The following TGFBR3 variants were observed in gnomAD, a reference collection of about 807,000 sequenced individuals.
TGFBR3 encodes transforming growth factor beta receptor 3, also known as transforming growth factor beta receptor type 3.
In TGFBR3, 46 loss-of-function variants were observed where a neutral mutation model predicts 87.9. The ratio of observed to expected loss-of-function variants is 0.52; its 90% CI spans 0.41 to 0.67. The LOEUF (loss-of-function observed/expected upper bound fraction) is 0.67. TGFBR3 is among the 30% of genes least tolerant of loss of function. The pLI, the probability that TGFBR3 is intolerant of heterozygous loss-of-function variation, is 0.00. For missense variants in TGFBR3, 866 were observed against 1,041.9 expected (o/e 0.83, Z 2.32); for synonymous variants, 381 against 391.6 (o/e 0.97, Z 0.32).
intron 2 of TGFBR3, among the ~76,000 whole-genome samples, chr1:91,802,652 T>C (rs942553737): frequency 2.0e-5 from 3 of 152,086 alleles, no homozygotes; most frequent in Non-Finnish European, 2.9e-5. Flanking sequence ...TGAGCCACCA[T>C]GCCTGGCCCA....
intron 4 of TGFBR3, among the ~76,000 whole-genome samples, chr1:91,747,965 G>A (rs1487259128): frequency 1.3e-5 from 2 of 152,156 alleles, no homozygotes; most frequent in South Asian, 2.1e-4. Context: ...ATATATCCCC[G>A]ACTGGTTCTG....
chr1:91,771,873 G>C (rs1177507527), intron 3 of TGFBR3, among the ~76,000 whole-genome samples: 2 of 152,072 alleles, frequency 1.3e-5, no homozygotes, highest in African/African-American at 4.8e-5. Flanking sequence ...CTCACAGTTT[G>C]ATGGGGGCAG....
At chr1:91,777,743 C>T (rs573993721) in intron 3 of TGFBR3, among the ~76,000 whole-genome samples, 8 of 152,164 alleles carry the variant, frequency 5.3e-5, no homozygotes, top group Non-Finnish European at 1.2e-4. Context: ...GATGTTTCTA[C>T]GTCTCCGTAC....
intron 4 of TGFBR3, among the ~76,000 whole-genome samples, chr1:91,754,098 T>TG (rs916356547): frequency 2.0e-5 from 3 of 152,204 alleles, no homozygotes; most frequent in African/African-American, 7.2e-5. Context: ...ATGTCCCTAA[T>TG]GACTCATGAT....
chr1:91,713,774 A>G (rs1672069258), intron 12 of TGFBR3, among the ~76,000 whole-genome samples: 1 of 152,188 alleles, frequency 6.6e-6, no homozygotes. Flanking sequence ...TATTTTTGCA[A>G]TACTTCTGAA....
intron 2 of TGFBR3, among the ~76,000 whole-genome samples, chr1:91,799,394 C>A (rs1489763781): frequency 6.6e-6 from 1 of 152,202 alleles, no homozygotes; most frequent in African/African-American, 2.4e-5. Flanking sequence ...TTCCCTGGAG[C>A]CCCTGGCGGG....
At chr1:91,859,708 G>A (rs1170205044) in intron 2 of TGFBR3, among the ~76,000 whole-genome samples, 1 of 151,892 alleles carries the variant, frequency 6.6e-6, no homozygotes, top group Non-Finnish European at 1.5e-5. Flanking sequence ...AGGAGATCGA[G>A]ACCAGCCTGG....
intron 5 of TGFBR3, among the ~76,000 whole-genome samples, chr1:91,731,300 G>A (rs1343149762): frequency 1.3e-5 from 2 of 152,076 alleles, no homozygotes; most frequent in African/African-American, 4.8e-5. Context: ...CTTGTGCTGA[G>A]GTCCGCAGCA....
At chr1:91,777,281 T>TCACAA (rs1258667509) in intron 3 of TGFBR3, among the ~76,000 whole-genome samples, 1 of 152,178 alleles carries the variant, frequency 6.6e-6, no homozygotes, top group African/African-American at 2.4e-5. Flanking sequence ...TTCACCTGGC[T>TCACAA]TTGAAGACCT....
At chr1:91,851,987 C>G (rs929260831) in intron 2 of TGFBR3, among the ~76,000 whole-genome samples, 4 of 152,198 alleles carry the variant, frequency 2.6e-5, no homozygotes, top group African/African-American at 7.2e-5. Flanking sequence ...CAGTGGCTCA[C>G]GCCTGTAATC....
chr1:91,739,445 C>T (rs1673075892), intron 4 of TGFBR3, among the ~76,000 whole-genome samples: 1 of 152,064 alleles, frequency 6.6e-6, no homozygotes, highest in African/African-American at 2.4e-5. Context: ...CTGAAGAGAC[C>T]ATGTAAAAAT....
intron 1 of TGFBR3, among the ~76,000 whole-genome samples, chr1:91,884,745 G>C (rs148560735): frequency 2.0e-5 from 3 of 152,202 alleles, no homozygotes; most frequent in South Asian, 4.1e-4. Flanking sequence ...CTTAGAAAAC[G>C]TTAGCTGTTA....
At chr1:91,735,592 A>G (rs1349549438) in intron 4 of TGFBR3, among the ~76,000 whole-genome samples, 2 of 152,226 alleles carry the variant, frequency 1.3e-5, no homozygotes, top group African/African-American at 4.8e-5. Context: ...CCAAATTCCC[A>G]TAGATAATGA....
At chr1:91,688,187 A>C (rs1405827990) in intron 16 of TGFBR3, among the ~76,000 whole-genome samples, 1 of 152,144 alleles carries the variant, frequency 6.6e-6, no homozygotes, top group East Asian at 1.9e-4. Flanking sequence ...AGTTTTTCAC[A>C]ATGTCCTGCC....
chr1:91,684,866 A>G (rs1320059777), intron 16 of TGFBR3, among the ~76,000 whole-genome samples: 3 of 152,160 alleles, frequency 2.0e-5, no homozygotes, highest in East Asian at 1.9e-4. Flanking sequence ...CCCTCCTTCA[A>G]TGTGGGAAAC....
At chr1:91,781,455 C>A (rs904842504) in intron 3 of TGFBR3, among the ~76,000 whole-genome samples, 2 of 152,190 alleles carry the variant, frequency 1.3e-5, no homozygotes, top group Admixed American at 6.5e-5. Context: ...CTTCCAGAGG[C>A]CTCTCCAGCA....
chr1:91,849,729 T>C (rs1290795858), intron 2 of TGFBR3, among the ~76,000 whole-genome samples: 1 of 152,144 alleles, frequency 6.6e-6, no homozygotes, highest in Non-Finnish European at 1.5e-5. Flanking sequence ...ATACAATAGG[T>C]ACTCAGTAAA....
chr1:91,729,285 T>TACAC (rs72204982), intron 6 of TGFBR3, among the ~76,000 whole-genome samples: 3,590 of 143,166 alleles, frequency 0.025, 111 homozygotes, highest in East Asian at 0.13. Flanking sequence ...TGCATGCGCA[T>TACAC]ACACACACAC....
At chr1:91,742,061 T>C (rs1279117527) in intron 4 of TGFBR3, among the ~76,000 whole-genome samples, 1 of 152,148 alleles carries the variant, frequency 6.6e-6, no homozygotes, top group Non-Finnish European at 1.5e-5. Flanking sequence ...TGGGTCTTTT[T>C]ACACCCTGCA....
Sources: gnomAD v4.1 joint callset for allele counts (sites outside exome capture counted in the v4.1 genomes callset) on GRCh38, gnomAD v4.1.1 for gene constraint, MANE v1.5 for transcripts, NCBI Gene and HGNC (gene_info 2026-07-23, HGNC 2026-07-21) for gene names.